EMP3: variants seen among roughly 807,000 people sequenced by gnomAD.
EMP3 encodes epithelial membrane protein 3.
A neutral mutation model predicts 21.6 loss-of-function variants in EMP3; 15 were observed. The observed-to-expected ratio is 0.69, with a 90% confidence interval of 0.46 to 1.07. EMP3 has a LOEUF of 1.07. Among genes scored for constraint, EMP3 ranks in the 50% least tolerant of loss-of-function variants. The pLI is 0.00. For synonymous variants in EMP3, 107 were observed against 86.1 expected, an observed-to-expected ratio of 1.24 and a Z score of -1.34; for missense variants, 183 against 206.6, an observed-to-expected ratio of 0.89 and a Z score of 0.70.
chr19:48,329,632 G>A lies in EMP3; in HGVS notation c.322+140G>A, dbSNP rs1298774575. 1.5e-5 allele frequency: 16 copies of A among 1,081,320 alleles called. No homozygotes were observed. The highest frequency in any genetic ancestry group is 1.7e-5 in the Non-Finnish European group (13 of 758,482). 67.0% of individuals were successfully genotyped at this position (1,081,320 alleles called of 1,614,324 possible). Reference sequence around the variant, plus strand: ...CAACACCCCACGAGCCACAAGAGGTGCCTCCGTGGGCTACATCTCTGCCCC... The same window carrying A: ...CAACACCCCACGAGCCACAAGAGGTACCTCCGTGGGCTACATCTCTGCCCC... On this transcript the variant is annotated intron_variant, in intron 4 of 4. Coordinates refer to ENST00000270221, the MANE Select transcript of EMP3 (RefSeq NM_001425.3). This position sits in a 1 kb window ranked among gnomAD's most constrained non-coding sequence, Gnocchi z 4.5.
At position 48,329,282 on chromosome 19, in the gene EMP3, G is replaced by A; in HGVS notation, c.182-70G>A. On this transcript the variant is annotated intron_variant, in intron 3 of 4. Transcript: ENST00000270221. This position sits in a 1 kb window ranked among gnomAD's most constrained non-coding sequence, Gnocchi z 4.5. ...GGATGGGGCAGAGAAGGGTCACATG[G>A]TGAGCAAGCAGGTGAAGCTGGAACT... The A allele has an allele frequency of 1.3e-6, 2 of 1,594,780 alleles. No individual in the cohort carries two copies. Among genetic ancestry groups the A allele is most frequent in the Non-Finnish European group, 1.7e-6 (2 of 1,168,134 alleles).
rs569304164 is a variant in EMP3 at position 48,330,521 on chromosome 19, C to T, written c.*51C>T. On this transcript the variant is annotated 3_prime_UTR_variant, in exon 5 of 5. Transcript: ENST00000270221. Reference sequence around the variant, plus strand: ...CGCCCCTTCCCGGCCCCCCTCGCCGCGCGTCCTCCAAAAAATAAAACCTTA... The same window carrying T: ...CGCCCCTTCCCGGCCCCCCTCGCCGTGCGTCCTCCAAAAAATAAAACCTTA... 2.6e-5 allele frequency: 38 copies of T among 1,484,728 alleles called. No individual in the cohort carries two copies. The African/African-American group carries it at 4.9e-4, about 19-fold the overall frequency. The allele number at this position is 1,484,728 out of a possible 1,614,324, so 92.0% of individuals were successfully genotyped here.
rs1427770064 is a variant in EMP3, at chr19:48,330,542, C to T, written c.*72C>T. ...GCCGCGCGTCCTCCAAAAAATAAAA[C>T]CTTAACCGCGGGCTCTGCCTTGATC... On this transcript the variant is annotated 3_prime_UTR_variant, in exon 5 of 5. Transcript: ENST00000270221. 7.2e-7 allele frequency: 1 copy of T among 1,395,822 alleles called. No homozygotes were observed. Among genetic ancestry groups the T allele is most frequent in the Non-Finnish European group, 9.6e-7 (1 of 1,046,600 alleles). 86.5% of individuals were successfully genotyped at this position (1,395,822 alleles called of 1,614,324 possible).
chr19:48,327,677 T>C, intron 3 of EMP3, 54 bp downstream of exon 3: 2 of 1,510,684 alleles, frequency 1.3e-6, no homozygotes, highest in Non-Finnish European at 1.8e-6. Context: ...AAACCCTTCG[T>C]GTCCTCATGG....
rs1402652058 is a variant in EMP3 at position 48,330,544 on chromosome 19, T to G, written c.*74T>G. 13 of 1,346,420 alleles carry G rather than the reference T, an allele frequency of 9.7e-6. No homozygotes were observed. 83.4% of individuals were successfully genotyped at this position (1,346,420 alleles called of 1,614,324 possible). A position where few individuals can be genotyped will look rare whatever the true frequency, so the allele number is the denominator to read the frequency against. On this transcript the variant is annotated 3_prime_UTR_variant, in exon 5 of 5. Transcript: ENST00000270221. ...CGCGCGTCCTCCAAAAAATAAAACC[T>G]TAACCGCGGGCTCTGCCTTGATCTT...
intron 2 of EMP3, 119 bp from the exon 3 acceptor site, chr19:48,327,402 C>T (rs1969139584): frequency 7.1e-6 from 5 of 704,676 alleles, no homozygotes; most frequent in Admixed American, 6.5e-5. Context: ...CCTAACTCTC[C>T]CCAGTTCTGC....
intron 3 of EMP3, chr19:48,327,932 C>T (rs755161862): frequency 6.2e-6 from 2 of 320,632 alleles, no homozygotes; most frequent in African/African-American, 2.2e-5. Flanking sequence ...CTCAGCCTCC[C>T]GAGTAGCTGG....
chr19:48,329,763 G>A lies in EMP3; in HGVS notation c.322+271G>A, dbSNP rs1969178268. On this transcript the variant is annotated intron_variant, in intron 4 of 4. Coordinates refer to ENST00000270221, the MANE Select transcript of EMP3 (RefSeq NM_001425.3). This position sits in a 1 kb window ranked among gnomAD's most constrained non-coding sequence, Gnocchi z 4.5. Reference sequence around the variant, plus strand: ...TTTCAGGGAGCCGGGGCTGGGGAAGGAGGTATAGGTAAATAGTTTTGGTCC... The same window carrying A: ...TTTCAGGGAGCCGGGGCTGGGGAAGAAGGTATAGGTAAATAGTTTTGGTCC... Among the ~76,000 whole-genome samples the A allele has an allele frequency of 6.6e-6, 1 of 152,134 alleles. No individual in the cohort carries two copies. The highest frequency in any genetic ancestry group is 2.1e-4 in the South Asian group (1 of 4,830).
In EMP3 at chr19:48,329,395, T is replaced by C; in HGVS notation, c.225T>C (p.Ile75=). Residue 75 remains isoleucine, a synonymous_variant, in exon 4 of 5, where the codon ATT becomes ATC. Transcript: ENST00000270221. This position sits in a 1 kb window ranked among gnomAD's most constrained non-coding sequence, Gnocchi z 4.5. ...AVQVLMVLSL[I]LCCLSFILFM... ...AGGTCCTCATGGTGCTCTCCCTCAT[T>C]CTCTGCTGTCTCTCCTTCATCCTGT... 6.2e-7 allele frequency: 1 copy of C among 1,614,028 alleles called. No homozygotes were observed. The highest frequency in any genetic ancestry group is 1.1e-5 in the South Asian group (1 of 91,060).
chr19:48,329,534 A>G lies in EMP3; in HGVS notation c.322+42A>G. The G allele has an allele frequency of 1.2e-6, 2 of 1,610,326 alleles. No homozygotes were observed. Among genetic ancestry groups the G allele is most frequent in the Non-Finnish European group, 1.7e-6 (2 of 1,177,594 alleles). The stretch of plus-strand genomic sequence containing the variant: ...CCCAACCCTAATCCCCCAAGAATTG[A>G]GCAGAAGGGAGTGGGGTGTGTCAAG... On this transcript the variant is annotated intron_variant, in intron 4 of 4. Transcript: ENST00000270221. The surrounding 1 kb of genome is among the most constrained non-coding windows in gnomAD (Gnocchi z 4.5).
intron 3 of EMP3, 175 bp downstream of exon 3, chr19:48,327,798 C>G (rs1969148680): frequency 1.7e-6 from 1 of 589,614 alleles, no homozygotes; most frequent in Admixed American, 3.1e-5. Context: ...ATGTACCTAC[C>G]TCTTGTTTTT....
chr19:48,326,492 A>ATT (rs1569016990), intron 1 of EMP3, among the ~76,000 whole-genome samples: 28 of 109,974 alleles, frequency 2.5e-4, no homozygotes, highest in South Asian at 2.8e-4. Flanking sequence ...CTTTATGCCA[A>ATT]ATTTTTTTTT....
chr19:48,330,265 G>T, intron 4 of EMP3, 36 bp from the exon 5 acceptor site: 1 of 1,531,340 alleles, frequency 6.5e-7, no homozygotes, highest in Non-Finnish European at 8.8e-7. Flanking sequence ...AGTCTTGAGG[G>T]GGCACTGCAT....
chr19:48,325,875 G>A (rs986300014), intron 1 of EMP3: 2 of 152,172 alleles, frequency 1.3e-5, no homozygotes, highest in African/African-American at 4.8e-5. Flanking sequence ...TGGGGTCCCT[G>A]AGATCAGGGC....
In EMP3 at chr19:48,330,469, G is replaced by A; in HGVS notation, c.491G>A (p.Ter164=). 1 of 1,575,862 alleles carries A rather than the reference G, an allele frequency of 6.3e-7. No homozygotes were observed. The highest frequency in any genetic ancestry group is 1.9e-5 in the Admixed American group (1 of 53,050). Residue 164 remains the stop codon, a stop_retained_variant, in exon 5 of 5, where the codon TGA becomes TAA. Coordinates refer to ENST00000270221, the MANE Select transcript of EMP3 (RefSeq NM_001425.3). The part of the protein sequence containing the change: ...IIYIHLRKRE[*] ...TACATCCACCTACGGAAGCGGGAGT[G>A]AGCGCCCCGCCTCGCTCGGCTGCCC... is the stretch of plus-strand genomic sequence containing the variant.
In EMP3 at chr19:48,330,551, C is replaced by G; in HGVS notation, c.*81C>G. 1 of 1,287,650 alleles carries G rather than the reference C, an allele frequency of 7.8e-7. No homozygotes were observed. The highest frequency in any genetic ancestry group is 1.0e-6 in the Non-Finnish European group (1 of 955,924). 79.8% of individuals were successfully genotyped at this position (1,287,650 alleles called of 1,614,324 possible). A position where few individuals can be genotyped will look rare whatever the true frequency, so the allele number is the denominator to read the frequency against. ...CCTCCAAAAAATAAAACCTTAACCG[C>G]GGGCTCTGCCTTGATCTTCCTTCCT... On this transcript the variant is annotated 3_prime_UTR_variant, in exon 5 of 5. Transcript: ENST00000270221.
At position 48,326,830 on chromosome 19, in the gene EMP3, G is replaced by A; in HGVS notation, c.-15G>A. On this transcript the variant is annotated splice_region_variant and 5_prime_UTR_variant, in exon 2 of 5. Coordinates refer to ENST00000270221, the MANE Select transcript of EMP3 (RefSeq NM_001425.3). The stretch of plus-strand genomic sequence containing the variant: ...TCCGTCCCCTGCTCCCCCTCCCCAG[G>A]CTTCCACTGCAGCCATGTCACTCCT... 6.2e-7 allele frequency: 1 copy of A among 1,613,292 alleles called. No homozygotes were observed. Among genetic ancestry groups the A allele is most frequent in the Non-Finnish European group, 8.5e-7 (1 of 1,179,528 alleles).
intron 3 of EMP3, among the ~76,000 whole-genome samples, chr19:48,328,490 A>G (rs1969161689): frequency 6.6e-6 from 1 of 151,916 alleles, no homozygotes; most frequent in Non-Finnish European, 1.5e-5. Context: ...CCAAAGCTCT[A>G]AGGAGATGGG....
Position 48,327,468 on chromosome 19 carries a change from A to G in EMP3, c.79-53A>G, listed in dbSNP as rs57386037. On this transcript the variant is annotated intron_variant, in intron 2 of 4. Coordinates refer to ENST00000270221, the MANE Select transcript of EMP3 (RefSeq NM_001425.3). The stretch of plus-strand genomic sequence containing the variant: ...CCCTTCCCACAGTCTGCCTGACCCT[A>G]TCCCCTCTCCTTTCCTAACCCTGCC... The G allele has an allele frequency of 5.3e-5, 73 of 1,367,256 alleles. No homozygotes were observed. In the African/African-American group the frequency reaches 9.0e-4, roughly 17 times the overall value. 84.7% of individuals were successfully genotyped at this position (1,367,256 alleles called of 1,614,324 possible).
Sources: gnomAD v4.1 joint callset for allele counts (sites outside exome capture counted in the v4.1 genomes callset) on GRCh38, gnomAD v4.1.1 for gene constraint, Gnocchi (gnomAD v3.1) non-coding constraint, MANE v1.5 for transcripts, NCBI Gene and HGNC (gene_info 2026-07-23, HGNC 2026-07-21) for gene names.